The following VSNL1 variants were observed in gnomAD, a reference collection of about 807,000 sequenced individuals.
VSNL1 encodes the protein visinin like 1.
In VSNL1, 6 loss-of-function variants were observed where a neutral mutation model predicts 20.4. That is an observed-to-expected ratio of 0.29 (90% CI 0.16 to 0.58). The LOEUF is 0.58. Among genes scored for constraint, VSNL1 ranks in the 20% least tolerant of loss-of-function variants. VSNL1 has a pLI of 0.90. For synonymous variants in VSNL1, 93 were observed against 86.4 expected, an observed-to-expected ratio of 1.08 and a Z score of -0.42; for missense variants, 100 against 234.5, an observed-to-expected ratio of 0.43 and a Z score of 3.75.
At chr2:17,626,833 G>C (rs1359742934) in intron 2 of VSNL1, among the ~76,000 whole-genome samples, 2 of 152,014 alleles carry the variant, frequency 1.3e-5, no homozygotes, top group Non-Finnish European at 2.9e-5. Flanking sequence ...ACTCAGAAGA[G>C]GCTCTGGGAA....
intron 3 of VSNL1, among the ~76,000 whole-genome samples, chr2:17,654,642 C>A (rs1024884769): frequency 1.3e-5 from 2 of 152,222 alleles, no homozygotes; most frequent in Non-Finnish European, 2.9e-5. Context: ...TCTTCTATAT[C>A]CAGTTGGTCA....
At chr2:17,573,575 AG>A (rs1352495367) in intron 1 of VSNL1, among the ~76,000 whole-genome samples, 5 of 152,226 alleles carry the variant, frequency 3.3e-5, no homozygotes, top group Non-Finnish European at 7.3e-5. Flanking sequence ...GGAGCAACAT[AG>A]GCTGACTCAT....
chr2:17,650,530 T>C (rs1052087094), intron 3 of VSNL1, among the ~76,000 whole-genome samples: 1 of 152,132 alleles, frequency 6.6e-6, no homozygotes, highest in African/African-American at 2.4e-5. Context: ...TTAGCATGGG[T>C]TCCCACCCCT....
At position 17,649,307 on chromosome 2, in the gene VSNL1, C is replaced by T. The variant is rs1666072511; in HGVS notation, c.163-103C>T. On this transcript the variant is annotated intron_variant, in intron 2 of 3. Transcript: ENST00000295156. The surrounding 1 kb of genome is among the most constrained non-coding windows in gnomAD (Gnocchi z 6.4). ...AACTGCTCTCCAATGGGTGAGGCTC[C>T]GACAACGCCCAGGAGCACCTGTGAT... The T allele has an allele frequency of 6.7e-6, 8 of 1,191,750 alleles. No homozygotes were observed. The highest frequency in any genetic ancestry group is 4.0e-5 in the South Asian group (3 of 74,290). 73.8% of individuals were successfully genotyped at this position (1,191,750 alleles called of 1,614,324 possible).
intron 1 of VSNL1, among the ~76,000 whole-genome samples, chr2:17,586,926 G>A (rs1664489794): frequency 6.6e-6 from 1 of 152,146 alleles, no homozygotes; most frequent in African/African-American, 2.4e-5. Context: ...TCTCTACAAA[G>A]GCAATTGTTT....
At chr2:17,636,770 C>T (rs937084855) in intron 2 of VSNL1, among the ~76,000 whole-genome samples, 1 of 151,818 alleles carries the variant, frequency 6.6e-6, no homozygotes, top group African/African-American at 2.4e-5. Context: ...AATTCCAATT[C>T]CTTATGTGAT....
chr2:17,553,133 G>A (rs1226649761), intron 1 of VSNL1, among the ~76,000 whole-genome samples: 1 of 152,132 alleles, frequency 6.6e-6, no homozygotes, highest in Admixed American at 6.5e-5. Flanking sequence ...AGGCCAAAAA[G>A]CGTGGCCTTC....
chr2:17,586,817 G>C (rs937016314), intron 1 of VSNL1, among the ~76,000 whole-genome samples: 1 of 152,180 alleles, frequency 6.6e-6, no homozygotes, highest in East Asian at 1.9e-4. Flanking sequence ...GAGAAAACAG[G>C]ATTGGAATGG....
At chr2:17,542,176 C>A (rs548726593) in intron 1 of VSNL1, among the ~76,000 whole-genome samples, 2 of 151,610 alleles carry the variant, frequency 1.3e-5, no homozygotes, top group Non-Finnish European at 2.9e-5. Context: ...CATTTTACCC[C>A]CACTATCATT....
At chr2:17,642,428 C>T (rs767002911) in intron 2 of VSNL1, among the ~76,000 whole-genome samples, 3 of 151,582 alleles carry the variant, frequency 2.0e-5, no homozygotes, top group Non-Finnish European at 2.9e-5. Context: ...CCTGCCTCAG[C>T]CTCCAGAGTA....
At chr2:17,568,900 A>G (rs1403998032) in intron 1 of VSNL1, among the ~76,000 whole-genome samples, 1 of 152,114 alleles carries the variant, frequency 6.6e-6, no homozygotes, top group Non-Finnish European at 1.5e-5. Flanking sequence ...GATTTCTGGC[A>G]TTAAATGTGG....
In VSNL1 at chr2:17,599,413, A is replaced by T. The variant is rs116343088; in HGVS notation, c.162+7177A>T. On this transcript the variant is annotated intron_variant, in intron 2 of 3. Coordinates refer to ENST00000295156, the MANE Select transcript of VSNL1 (RefSeq NM_003385.5). ...ATTGTGTTTTTGAGCCCCTGTTCCTATTGTGTTGGCTGGAGGCCCACTGGG... is the reference window on the plus strand; with the variant it reads ...ATTGTGTTTTTGAGCCCCTGTTCCTTTTGTGTTGGCTGGAGGCCCACTGGG... Among the ~76,000 whole-genome samples the T allele has an allele frequency of 4.6e-5, 7 of 152,324 alleles. No individual in the cohort carries two copies. In the South Asian group the frequency reaches 1.2e-3, roughly 27 times the overall value.
At chr2:17,560,213 T>C (rs1446488362) in intron 1 of VSNL1, among the ~76,000 whole-genome samples, 3 of 148,592 alleles carry the variant, frequency 2.0e-5, no homozygotes, top group African/African-American at 7.4e-5. Flanking sequence ...TATATACATA[T>C]ATATATAATA....
intron 2 of VSNL1, among the ~76,000 whole-genome samples, chr2:17,619,228 G>A (rs951718841): frequency 6.6e-6 from 1 of 152,116 alleles, no homozygotes; most frequent in African/African-American, 2.4e-5. Context: ...AATTGGATCT[G>A]GTCTTCTCTG....
At chr2:17,557,098 C>T (rs1663701431) in intron 1 of VSNL1, among the ~76,000 whole-genome samples, 1 of 152,076 alleles carries the variant, frequency 6.6e-6, no homozygotes, top group African/African-American at 2.4e-5. Context: ...CTGCCAAGCG[C>T]TTTACATGCA....
At chr2:17,647,591 A>G (rs942569759) in intron 2 of VSNL1, among the ~76,000 whole-genome samples, 47 of 152,170 alleles carry the variant, frequency 3.1e-4, no homozygotes, top group African/African-American at 1.0e-3. Flanking sequence ...GTCCTCAGGT[A>G]CCAAGCACCT....
intron 2 of VSNL1, among the ~76,000 whole-genome samples, chr2:17,600,444 G>A (rs1664799059): frequency 3.3e-5 from 5 of 152,174 alleles, no homozygotes; most frequent in Admixed American, 3.3e-4. Context: ...AGTTTATTGG[G>A]CTGTGGCATC....
At chr2:17,598,375 A>G (rs1378663802) in intron 2 of VSNL1, among the ~76,000 whole-genome samples, 1 of 152,238 alleles carries the variant, frequency 6.6e-6, no homozygotes, top group Non-Finnish European at 1.5e-5. Flanking sequence ...ATCTGTGCAA[A>G]TGAAAACATT....
At chr2:17,579,817 T>C (rs890749746) in intron 1 of VSNL1, among the ~76,000 whole-genome samples, 7 of 152,186 alleles carry the variant, frequency 4.6e-5, no homozygotes, top group Non-Finnish European at 7.3e-5. Flanking sequence ...CCACTCCCTT[T>C]ACAAACAATG....
Sources: gnomAD v4.1 joint callset for allele counts (sites outside exome capture counted in the v4.1 genomes callset) on GRCh38, gnomAD v4.1.1 for gene constraint, Gnocchi (gnomAD v3.1) non-coding constraint, MANE v1.5 for transcripts, NCBI Gene and HGNC (gene_info 2026-07-23, HGNC 2026-07-21) for gene names.